CNTN3: variants seen among roughly 807,000 people sequenced by gnomAD.
CNTN3 encodes contactin 3.
CNTN3 carries 60 observed loss-of-function variants against 119.1 expected under a neutral mutation model. The observed-to-expected ratio is 0.50, with a 90% CI of 0.41 to 0.62. The LOEUF is 0.62. CNTN3 is among the 20% of genes least tolerant of loss of function. The pLI, the probability that CNTN3 is intolerant of heterozygous loss-of-function variation, is 0.00. For missense variants in CNTN3, 1,101 were observed against 1,242.4 expected (o/e 0.89, Z 1.71); for synonymous variants, 450 against 438.7 (o/e 1.03, Z -0.32).
intron 1 of CNTN3, among the ~76,000 whole-genome samples, chr3:74,598,075 C>T (rs1246456165): frequency 6.6e-6 from 1 of 151,982 alleles, no homozygotes; most frequent in Non-Finnish European, 1.5e-5. Context: ...GCTGCTCCTC[C>T]CCAGAAAGAG....
chr3:74,303,600 C>G (rs896312314), intron 13 of CNTN3, among the ~76,000 whole-genome samples: 1 of 151,874 alleles, frequency 6.6e-6, no homozygotes, highest in Non-Finnish European at 1.5e-5. Context: ...GGCCAAGGCA[C>G]GAGAATCACT....
chr3:74,545,098 G>A (rs1027271918), intron 1 of CNTN3, among the ~76,000 whole-genome samples: 1 of 152,096 alleles, frequency 6.6e-6, no homozygotes, highest in African/African-American at 2.4e-5. Flanking sequence ...TGGGGTTTAG[G>A]CAGGTTAATG....
chr3:74,527,252 T>C (rs758493611), intron 1 of CNTN3, among the ~76,000 whole-genome samples: 2 of 151,908 alleles, frequency 1.3e-5, no homozygotes, highest in African/African-American at 2.4e-5. Flanking sequence ...GTTGAAAAAT[T>C]TGACAAATAA....
chr3:74,541,542 TAG>T (rs1703843383), intron 1 of CNTN3, among the ~76,000 whole-genome samples: 1 of 152,092 alleles, frequency 6.6e-6, no homozygotes, highest in African/African-American at 2.4e-5. Context: ...TTAACAATTG[TAG>T]AGTTACATGA....
intron 20 of CNTN3, among the ~76,000 whole-genome samples, chr3:74,277,795 G>A (rs555603345): frequency 6.6e-5 from 10 of 151,838 alleles, no homozygotes; most frequent in Non-Finnish European, 1.5e-5. Context: ...AGAAATAAAG[G>A]GCATCCAGAT....
chr3:74,490,024 C>T (rs896441819), intron 3 of CNTN3, among the ~76,000 whole-genome samples: 9 of 152,080 alleles, frequency 5.9e-5, no homozygotes, highest in East Asian at 5.8e-4. Flanking sequence ...GTTCTATGTT[C>T]GATTGAATGC....
At chr3:74,525,191 C>T (rs868420669) in intron 1 of CNTN3, among the ~76,000 whole-genome samples, 4 of 151,514 alleles carry the variant, frequency 2.6e-5, no homozygotes, top group African/African-American at 4.8e-5. Context: ...CCCACAAATT[C>T]GTAGAAATTA....
intron 4 of CNTN3, among the ~76,000 whole-genome samples, chr3:74,449,378 A>T (rs112496838): frequency 0.01 from 1,533 of 152,026 alleles, 22 homozygotes; most frequent in African/African-American, 0.035. Flanking sequence ...TTACAACACT[A>T]ATCTCTGTAG....
At chr3:74,572,317 C>A (rs1050595391) in intron 1 of CNTN3, among the ~76,000 whole-genome samples, 4 of 151,992 alleles carry the variant, frequency 2.6e-5, no homozygotes, top group South Asian at 2.1e-4. Context: ...AGAAACCTTC[C>A]ACATTTGAAG....
At chr3:74,407,834 G>A (rs1559586850) in intron 5 of CNTN3, among the ~76,000 whole-genome samples, 1 of 152,116 alleles carries the variant, frequency 6.6e-6, no homozygotes, top group Admixed American at 6.5e-5. Context: ...ACTCCTCAGG[G>A]CATCCATTGA....
chr3:74,321,375 A>C (rs1388916118), intron 13 of CNTN3, among the ~76,000 whole-genome samples: 1 of 152,198 alleles, frequency 6.6e-6, no homozygotes, highest in Non-Finnish European at 1.5e-5. Flanking sequence ...ACAAAAACAG[A>C]AATACAACAT....
intron 2 of CNTN3, among the ~76,000 whole-genome samples, chr3:74,515,570 C>T (rs1206118892): frequency 2.0e-5 from 3 of 152,016 alleles, no homozygotes; most frequent in African/African-American, 7.2e-5. Flanking sequence ...AGTATGTGTT[C>T]ACTATTCATT....
chr3:74,419,761 T>C (rs538633487), intron 5 of CNTN3, among the ~76,000 whole-genome samples: 3 of 152,314 alleles, frequency 2.0e-5, no homozygotes, highest in African/African-American at 7.2e-5. Context: ...AGAACTCATC[T>C]CTTTATTAAC....
At chr3:74,294,343 C>T (rs369094112) in intron 19 of CNTN3, among the ~76,000 whole-genome samples, 1 of 152,200 alleles carries the variant, frequency 6.6e-6, no homozygotes, top group East Asian at 1.9e-4. Context: ...AATGGTTCTT[C>T]TTAGCCTTTA....
In CNTN3 at chr3:74,569,734, C is replaced by G. The variant is rs574708175; in HGVS notation, c.-81+44657G>C. 6.6e-5 allele frequency among the ~76,000 whole-genome samples: 10 copies of G among 152,286 alleles called. No homozygotes were observed. The South Asian group carries it at 1.9e-3, about 28-fold the overall frequency. Reference sequence around the variant, plus strand: ...CACACGGTTTGCATGAGTCAAGGGTCTGAGCACATTTTAGCTGTGTCCTCT... The same window carrying G: ...CACACGGTTTGCATGAGTCAAGGGTGTGAGCACATTTTAGCTGTGTCCTCT... On this transcript the variant is annotated intron_variant, in intron 1 of 22. Transcript: ENST00000263665.
chr3:74,413,260 G>T (rs2106874237), intron 5 of CNTN3, among the ~76,000 whole-genome samples: 1 of 152,260 alleles, frequency 6.6e-6, no homozygotes, highest in African/African-American at 2.4e-5. Flanking sequence ...TGCTTAGAGG[G>T]TACATGGATA....
At chr3:74,338,481 T>C (rs1160523103) in intron 11 of CNTN3, among the ~76,000 whole-genome samples, 1 of 130,824 alleles carries the variant, frequency 7.6e-6, no homozygotes, top group Non-Finnish European at 1.6e-5. Context: ...TATGTGCGTA[T>C]GTGTACACAC....
chr3:74,370,777 AG>A (rs1253048452), intron 6 of CNTN3, among the ~76,000 whole-genome samples: 1 of 152,092 alleles, frequency 6.6e-6, no homozygotes, highest in African/African-American at 2.4e-5. Context: ...TGGTTTCTTT[AG>A]TGATGATTTT....
At chr3:74,451,345 C>A (rs575640936) in intron 4 of CNTN3, among the ~76,000 whole-genome samples, 1,593 of 151,908 alleles carry the variant, frequency 0.01, 21 homozygotes, top group Middle Eastern at 0.044. Flanking sequence ...TCCATTGCCC[C>A]CTTTTTGATG....
Sources: allele counts gnomAD v4.1 joint callset (sites outside exome capture counted in the v4.1 genomes callset), GRCh38; gene constraint gnomAD v4.1.1; transcripts MANE v1.5; gene names NCBI Gene and HGNC (gene_info 2026-07-23, HGNC 2026-07-21).